Variants in PRRX2 observed in about 807,000 individuals in gnomAD.
PRRX2 encodes paired mesoderm homeobox protein 2.
A neutral mutation model predicts 18.0 loss-of-function variants in PRRX2; 11 were observed. The observed-to-expected ratio is 0.61, with a 90% confidence interval of 0.39 to 1.01. PRRX2 has a LOEUF of 1.01. Among genes scored for constraint, PRRX2 ranks in the 50% least tolerant of loss-of-function variants. PRRX2 has a pLI of 0.01. For synonymous variants in PRRX2, 177 were observed against 154.8 expected (o/e 1.14, Z -1.06); for missense variants, 387 against 351.0 (o/e 1.10, Z -0.82).
chr9:129,689,939 G>C (rs1317968704), intron 1 of PRRX2, among the ~76,000 whole-genome samples: 1 of 151,552 alleles, frequency 6.6e-6, no homozygotes, highest in Non-Finnish European at 1.5e-5. Context: ...TTTTAGTAGA[G>C]ACGGGGTTTC....
At chr9:129,670,182 G>A (rs59801342) in intron 1 of PRRX2, among the ~76,000 whole-genome samples, 8,295 of 151,120 alleles carry the variant, frequency 0.055, 411 homozygotes, top group African/African-American at 0.13. Context: ...TCCTTCTGAA[G>A]GCCGAATCAC....
At position 129,715,607 on chromosome 9, in the gene PRRX2, A is replaced by G. The variant is rs1459870472; in HGVS notation, c.260-3624A>G. ...CCCTGTCTCAAAAAATAAAAAAGAT[A>G]TTTAGCAGCACTCCTGGCCTCTTTA... is the stretch of plus-strand genomic sequence containing the variant. On this transcript the variant is annotated intron_variant, in intron 1 of 3. Coordinates refer to ENST00000372469, the MANE Select transcript of PRRX2 (RefSeq NM_016307.4). The surrounding 1 kb of genome is among the most constrained non-coding windows in gnomAD (Gnocchi z 4.0). 6.6e-6 allele frequency among the ~76,000 whole-genome samples: 1 copy of G among 152,032 alleles called. No individual in the cohort carries two copies. The highest frequency in any genetic ancestry group is 1.5e-5 in the Non-Finnish European group (1 of 68,006).
At chr9:129,696,908 C>T (rs1348088800) in intron 1 of PRRX2, among the ~76,000 whole-genome samples, 4 of 152,120 alleles carry the variant, frequency 2.6e-5, no homozygotes, top group East Asian at 3.9e-4. Context: ...AGCGCGGACC[C>T]CCCTGGGGCC....
chr9:129,699,471 G>GTGTGTGTGTGTA (rs1554724074), intron 1 of PRRX2, among the ~76,000 whole-genome samples: 1 of 148,586 alleles, frequency 6.7e-6, no homozygotes, highest in African/African-American at 2.5e-5. Flanking sequence ...GTGTGTGTGT[G>GTGTGTGTGTGTA]TATACATATA....
intron 1 of PRRX2, among the ~76,000 whole-genome samples, chr9:129,684,524 C>CA (rs1564147490): frequency 0.024 from 1,064 of 45,026 alleles, 25 homozygotes; most frequent in African/African-American, 0.04. Context: ...ACACACACAC[C>CA]CACACACACC....
At chr9:129,717,451 C>T (rs1832723499) in intron 1 of PRRX2, among the ~76,000 whole-genome samples, 1 of 26 alleles carries the variant, frequency 0.038, no homozygotes, top group Non-Finnish European at 0.083. Context: ...AATCCCAGCA[C>T]TTTGGGAGGC....
At chr9:129,706,459 A>G (rs1832558709) in intron 1 of PRRX2, among the ~76,000 whole-genome samples, 1 of 152,152 alleles carries the variant, frequency 6.6e-6, no homozygotes, top group Admixed American at 6.5e-5. Flanking sequence ...GCTACTCGGG[A>G]GGCTGAGGCA....
chr9:129,720,179 CCTCAGCAAGCGCCTCTCCCCGCGAGTG>C, intron 2 of PRRX2, among the ~76,000 whole-genome samples: 1 of 146,908 alleles, frequency 6.8e-6, no homozygotes, highest in East Asian at 2.0e-4. Context: ...CCCCGCGAGT[CCTCAGCAAGCGCCTCTCCCCGCGAGTG>C]CTCAGCAAGC....
At chr9:129,703,371 C>T (rs1236980013) in intron 1 of PRRX2, among the ~76,000 whole-genome samples, 1 of 152,196 alleles carries the variant, frequency 6.6e-6, no homozygotes, top group Non-Finnish European at 1.5e-5. Flanking sequence ...CCCAGGAGCT[C>T]TTAAATGGGG....
chr9:129,667,539 G>A (rs1461525724), intron 1 of PRRX2, among the ~76,000 whole-genome samples: 2 of 152,002 alleles, frequency 1.3e-5, no homozygotes, highest in East Asian at 3.9e-4. Flanking sequence ...AAGAAGGAAA[G>A]GAGAAGGCAA....
At chr9:129,722,188 A>G (rs928363761) in intron 3 of PRRX2, 29 bp from the exon 4 acceptor site, 35 of 1,608,680 alleles carry the variant, frequency 2.2e-5, no homozygotes, top group Non-Finnish European at 2.9e-5. Flanking sequence ...AACCGCACCC[A>G]TGTGACCTGT....
Position 129,697,438 on chromosome 9 carries a change from GTGTC to G in PRRX2, c.260-21790_260-21787del, listed in dbSNP as rs1200897310. ...GGGCGCGGGATCTATTAACGTCTGTGTGTCTGGGCCGCGGGACTGCGGCGAGGCA... is the reference window on the plus strand; with the variant it reads ...GGGCGCGGGATCTATTAACGTCTGTGTGGGCCGCGGGACTGCGGCGAGGCA... On this transcript the variant is annotated intron_variant, in intron 1 of 3. Coordinates refer to ENST00000372469, the MANE Select transcript of PRRX2 (RefSeq NM_016307.4). Among the ~76,000 whole-genome samples, 6 of 151,666 alleles carry G rather than the reference GTGTC, an allele frequency of 4.0e-5. No homozygotes were observed. In the East Asian group the frequency reaches 1.2e-3, roughly 29 times the overall value.
chr9:129,696,867 G>T (rs546027926), intron 1 of PRRX2, among the ~76,000 whole-genome samples: 1 of 152,314 alleles, frequency 6.6e-6, no homozygotes, highest in Admixed American at 6.5e-5. Flanking sequence ...TGAGTTCCAG[G>T]TGTGTGGGCT....
rs182565487 is a variant in PRRX2, at chr9:129,670,983, G to A, written c.259+4857G>A. Reference sequence around the variant, plus strand: ...GGTCCTTGCTTTTGCCTTCCTCTCCGTGTGTGACCTTGGGGGTGTCATGTC... The same window carrying A: ...GGTCCTTGCTTTTGCCTTCCTCTCCATGTGTGACCTTGGGGGTGTCATGTC... On this transcript the variant is annotated intron_variant, in intron 1 of 3. Transcript: ENST00000372469. 1.8e-4 allele frequency among the ~76,000 whole-genome samples: 28 copies of A among 152,262 alleles called. No homozygotes were observed. In the East Asian group the frequency reaches 4.6e-3, roughly 25 times the overall value.
rs114031551 is a variant in PRRX2 at position 129,708,434 on chromosome 9, G to A, written c.260-10797G>A. 6.8e-3 allele frequency among the ~76,000 whole-genome samples: 1,043 copies of A among 152,280 alleles called. 11 individuals are homozygous for A. The highest frequency in any genetic ancestry group is 0.024 in the African/African-American group (997 of 41,546). On this transcript the variant is annotated intron_variant, in intron 1 of 3. Coordinates refer to ENST00000372469, the MANE Select transcript of PRRX2 (RefSeq NM_016307.4). ...TCCCTGCTGGCTGATGATTTTGAGC[G>A]TCTTTCTGCCTATTGGTCATTTGTG... is the stretch of plus-strand genomic sequence containing the variant.
chr9:129,683,730 A>G (rs1225565387), intron 1 of PRRX2, among the ~76,000 whole-genome samples: 2 of 151,930 alleles, frequency 1.3e-5, no homozygotes, highest in Non-Finnish European at 2.9e-5. Context: ...GCGAGACTCC[A>G]TCTCAAAAAA....
intron 3 of PRRX2, among the ~76,000 whole-genome samples, chr9:129,721,013 A>G (rs1017700035): frequency 3.3e-5 from 5 of 149,552 alleles, no homozygotes; most frequent in African/African-American, 1.3e-4. Flanking sequence ...ACATGTGGGC[A>G]CACATGACTG....
rs1832688309 is a variant in PRRX2 at position 129,715,177 on chromosome 9, A to G, written c.260-4054A>G. Among the ~76,000 whole-genome samples, 1 of 152,088 alleles carries G rather than the reference A, an allele frequency of 6.6e-6. No individual in the cohort carries two copies. The stretch of plus-strand genomic sequence containing the variant: ...CCCGTATGTTTGCAAGTATTTCCCA[A>G]AGGGGGAAACTTCTGAACATAACCT... On this transcript the variant is annotated intron_variant, in intron 1 of 3. Transcript: ENST00000372469. The surrounding 1 kb of genome is among the most constrained non-coding windows in gnomAD (Gnocchi z 4.0).
chr9:129,719,500 CCCAGGAGGGGTG>C, intron 2 of PRRX2, 82 bp downstream of exon 2: 1 of 1,378,134 alleles, frequency 7.3e-7, no homozygotes, highest in Non-Finnish European at 9.4e-7. Context: ...TACACAGTTG[CCCAGGAGGGGTG>C]TTTGAGCAGG....
Sources: gnomAD v4.1 joint callset for allele counts (sites outside exome capture counted in the v4.1 genomes callset) on GRCh38, gnomAD v4.1.1 for gene constraint, Gnocchi (gnomAD v3.1) non-coding constraint, MANE v1.5 for transcripts, NCBI Gene and HGNC (gene_info 2026-07-23, HGNC 2026-07-21) for gene names.